The following H2BC5 variants were observed in gnomAD, a reference collection of about 807,000 sequenced individuals.
H2BC5 encodes the protein histone H2B type 1-D.
H2BC5 carries 9 observed loss-of-function variants against 5.7 expected under a neutral mutation model. The observed-to-expected ratio is 1.57, with a 90% confidence interval of 0.95 to 2.74. H2BC5 has a LOEUF of 2.74. H2BC5 is among the 30% of genes most tolerant of loss of function. The pLI is 0.00. For missense variants in H2BC5, 175 were observed against 168.8 expected, an observed-to-expected ratio of 1.04 and a Z score of -0.20; for synonymous variants, 133 against 70.9, an observed-to-expected ratio of 1.88 and a Z score of -4.40.
intron 1 of H2BC5, among the ~76,000 whole-genome samples, chr6:26,164,931 T>A (rs2113836216): frequency 6.6e-6 from 1 of 152,136 alleles, no homozygotes; most frequent in East Asian, 1.9e-4. Flanking sequence ...AAACTGGGGC[T>A]TGGGGGAAGA....
downstream of H2BC5, chr6:26,158,661 T>TTA: frequency 1.4e-6 from 2 of 1,477,050 alleles, no homozygotes; most frequent in Non-Finnish European, 1.8e-6. Context: ...GTTATTGGAC[T>TTA]TAGCACCACA....
chr6:26,162,418 T>C (rs1389000174), downstream of H2BC5, among the ~76,000 whole-genome samples: 1 of 152,250 alleles, frequency 6.6e-6, no homozygotes, highest in African/African-American at 2.4e-5. Flanking sequence ...TACCAGGTAT[T>C]GTCTTTTTCC....
Position 26,166,665 on chromosome 6 carries a change from G to A in H2BC5, c.*10-4310G>A, listed in dbSNP as rs150622296. Among the ~76,000 whole-genome samples the A allele has an allele frequency of 2.0e-4, 30 of 150,456 alleles. No homozygotes were observed. The East Asian group carries it at 4.3e-3, about 22-fold the overall frequency. On this transcript the variant is annotated intron_variant, in intron 1 of 1. Coordinates refer to the H2BC5 transcript ENST00000289316. ...TTCATCTCAACATAGATTGGTGGTC[G>A]GCACGAGCAGAGGGGGATACTTTTG...
At chr6:26,164,421 G>A in intron 1 of H2BC5, 1 of 199,624 alleles carries the variant, frequency 5.0e-6, no homozygotes, top group Non-Finnish European at 1.1e-5. Flanking sequence ...CCCAGGACAG[G>A]GAACAAAAAA....
At chr6:26,163,068 T>C (rs1764373607), downstream of H2BC5, among the ~76,000 whole-genome samples, 1 of 152,132 alleles carries the variant, frequency 6.6e-6, no homozygotes, top group Admixed American at 6.5e-5. Context: ...ATTTTGTTAA[T>C]ATTTTTCATG....
Position 26,158,432 on chromosome 6 carries a change from C to G in H2BC5, c.263C>G (p.Ser88Trp). The G allele has an allele frequency of 1.2e-6, 2 of 1,614,236 alleles. No individual in the cohort carries two copies. The highest frequency in any genetic ancestry group is 1.7e-6 in the Non-Finnish European group (2 of 1,180,042). ...CGCCTGGCGCATTACAACAAGCGCT[C>G]GACCATCACCTCCAGGGAGATCCAG... The part of the protein sequence containing the change: ...ASRLAHYNKR[S>W]TITSREIQTA... Residue 88 changes from serine to tryptophan, a missense_variant, in exon 1 of 1, where the codon TCG (serine) becomes TGG (tryptophan). Transcript: ENST00000377777.
chr6:26,169,167 T>G (rs1168419205), intron 1 of H2BC5, among the ~76,000 whole-genome samples: 6 of 152,118 alleles, frequency 3.9e-5, no homozygotes, highest in Non-Finnish European at 8.8e-5. Context: ...GATTAACAGA[T>G]TAACACTCAG....
chr6:26,160,275 C>T (rs148755047), downstream of H2BC5, among the ~76,000 whole-genome samples: 8 of 152,232 alleles, frequency 5.3e-5, no homozygotes, highest in East Asian at 1.4e-3. Context: ...CAAGTCATCT[C>T]TGGAAAAGAA....
intron 1 of H2BC5, among the ~76,000 whole-genome samples, chr6:26,167,439 C>A (rs887921695): frequency 1.3e-5 from 2 of 152,230 alleles, no homozygotes; most frequent in South Asian, 2.1e-4. Flanking sequence ...AGCCCTCCCC[C>A]AGCCTAGACC....
chr6:26,158,484 G>A lies in H2BC5; in HGVS notation c.315G>A (p.Gly105=), dbSNP rs765575223. The stretch of plus-strand genomic sequence containing the variant: ...CGGCCGTGCGCCTGCTGCTTCCGGG[G>A]GAGCTGGCCAAGCACGCCGTGTCGG... ...IQTAVRLLLP[G]ELAKHAVSEG... The change falls in exon 1 of 1, where the codon GGG becomes GGA. Residue 105 remains glycine (G), a synonymous_variant. Coordinates refer to ENST00000377777, the MANE Select transcript of H2BC5 (RefSeq NM_021063.4). 6 of 1,614,258 alleles carry A rather than the reference G, an allele frequency of 3.7e-6. No individual in the cohort carries two copies. The South Asian group carries it at 4.4e-5, about 12-fold the overall frequency.
At chr6:26,165,936 G>A (rs1764415485) in intron 1 of H2BC5, among the ~76,000 whole-genome samples, 1 of 152,222 alleles carries the variant, frequency 6.6e-6, no homozygotes, top group African/African-American at 2.4e-5. Flanking sequence ...GACTGGGTTG[G>A]GCTGTGAATG....
At chr6:26,159,242 G>GTTT (rs1226694212), downstream of H2BC5, among the ~76,000 whole-genome samples, 1 of 98,454 alleles carries the variant, frequency 1.0e-5, no homozygotes, top group Non-Finnish European at 2.0e-5. Flanking sequence ...TTAATTTATA[G>GTTT]GTTTTTTTTT....
At chr6:26,162,826 A>G (rs1764371186), downstream of H2BC5, among the ~76,000 whole-genome samples, 1 of 152,182 alleles carries the variant, frequency 6.6e-6, no homozygotes, top group Non-Finnish European at 1.5e-5. Flanking sequence ...GGTGTGAGCC[A>G]CCGTGCCGAG....
intron 1 of H2BC5, chr6:26,164,126 G>T (rs1764387314): frequency 4.4e-6 from 2 of 450,344 alleles, no homozygotes; most frequent in Admixed American, 4.9e-5. Flanking sequence ...CTTCTGAGTA[G>T]ATCCCCCCGT....
At chr6:26,170,236 A>G (rs545611872) in intron 1 of H2BC5, among the ~76,000 whole-genome samples, 8 of 152,134 alleles carry the variant, frequency 5.3e-5, no homozygotes, top group South Asian at 4.1e-4. Flanking sequence ...TCTTAGCACT[A>G]TCTTACATTT....
downstream of H2BC5, among the ~76,000 whole-genome samples, chr6:26,158,867 T>C (rs1464909152): frequency 6.6e-6 from 1 of 152,204 alleles, no homozygotes; most frequent in Non-Finnish European, 1.5e-5. Flanking sequence ...GATTTCCAAG[T>C]TGATCGTGAT....
In H2BC5 at chr6:26,158,350, G is replaced by A. The variant is rs1292837577; in HGVS notation, c.181G>A (p.Gly61Arg). ...PDTGISSKAM[G>R]IMNSFVNDIF... ...CACCGGCATCTCTTCCAAGGCAATGGGGATCATGAATTCCTTCGTCAACGA... is the reference window on the plus strand; with the variant it reads ...CACCGGCATCTCTTCCAAGGCAATGAGGATCATGAATTCCTTCGTCAACGA... Residue 61 changes from glycine (G) to arginine (R), a missense_variant, in exon 1 of 1, where the codon GGG becomes AGG. Coordinates refer to ENST00000377777, the MANE Select transcript of H2BC5 (RefSeq NM_021063.4). 6.2e-7 allele frequency: 1 copy of A among 1,614,164 alleles called. No individual in the cohort carries two copies.
intron 1 of H2BC5, among the ~76,000 whole-genome samples, chr6:26,164,929 G>A (rs1764398599): frequency 6.6e-6 from 1 of 152,006 alleles, no homozygotes; most frequent in Non-Finnish European, 1.5e-5. Context: ...TAAAACTGGG[G>A]CTTGGGGGAA....
rs748913759 is a variant in H2BC5, at chr6:26,158,451, G to A, written c.282G>A (p.Glu94=). The A allele has an allele frequency of 1.9e-5, 30 of 1,614,268 alleles. No homozygotes were observed. The highest frequency in any genetic ancestry group is 2.2e-5 in the Non-Finnish European group (26 of 1,180,052). The change falls in exon 1 of 1, where the codon GAG becomes GAA. Residue 94 remains glutamate (E), a synonymous_variant. Coordinates refer to ENST00000377777, the MANE Select transcript of H2BC5 (RefSeq NM_021063.4). ...AGCGCTCGACCATCACCTCCAGGGAGATCCAGACGGCCGTGCGCCTGCTGC... is the reference window on the plus strand; with the variant it reads ...AGCGCTCGACCATCACCTCCAGGGAAATCCAGACGGCCGTGCGCCTGCTGC... ...YNKRSTITSR[E]IQTAVRLLLP... is the part of the protein sequence containing the mutation.
Sources: allele counts gnomAD v4.1 joint callset (sites outside exome capture counted in the v4.1 genomes callset), GRCh38; gene constraint gnomAD v4.1.1; transcripts MANE v1.5; gene names NCBI Gene and HGNC (gene_info 2026-07-23, HGNC 2026-07-21).